DOCK4: variants seen among roughly 807,000 people sequenced by gnomAD.
The protein encoded by DOCK4 is dedicator of cytokinesis protein 4.
In DOCK4, 97 loss-of-function variants were observed where a neutral mutation model predicts 268.1. That is an observed-to-expected ratio of 0.36 (90% confidence interval 0.31 to 0.43). The LOEUF is 0.43. Among genes scored for constraint, DOCK4 ranks in the 20% least tolerant of loss-of-function variants. The probability of loss-of-function intolerance (pLI) is 1.00; values close to 1 mark genes in which losing one functional copy is unlikely to be tolerated. For synonymous variants in DOCK4, 954 were observed against 887.2 expected (o/e 1.08, Z -1.34); for missense variants, 2,145 against 2,455.7 (o/e 0.87, Z 2.67).
intron 1 of DOCK4, among the ~76,000 whole-genome samples, chr7:112,118,357 C>T (rs1410509888): frequency 6.6e-6 from 1 of 152,046 alleles, no homozygotes; most frequent in Non-Finnish European, 1.5e-5. Context: ...TTTAATTGAA[C>T]TGCTTCAAAT....
At chr7:112,146,048 T>C (rs1030515196) in intron 1 of DOCK4, among the ~76,000 whole-genome samples, 1 of 152,144 alleles carries the variant, frequency 6.6e-6, no homozygotes, top group East Asian at 1.9e-4. Context: ...GAAGTCCACA[T>C]AACGAAGCCA....
chr7:111,737,115 G>A (rs1184327219), intron 49 of DOCK4, 126 bp from the exon 50 acceptor site: 26 of 709,178 alleles, frequency 3.7e-5, no homozygotes, highest in Admixed American at 3.3e-4. Context: ...GATATGATGA[G>A]CCTAGGAACA....
chr7:111,751,570 G>C (rs942028432), intron 42 of DOCK4, among the ~76,000 whole-genome samples: 3 of 151,952 alleles, frequency 2.0e-5, no homozygotes, highest in Admixed American at 1.3e-4. Flanking sequence ...TCAGCCTCCT[G>C]AGAAGCTGGG....
At chr7:112,197,686 G>A (rs1587035469) in intron 1 of DOCK4, among the ~76,000 whole-genome samples, 2 of 152,136 alleles carry the variant, frequency 1.3e-5, no homozygotes, top group South Asian at 4.1e-4. Context: ...TTTGAAATTT[G>A]GGGTCTGTCA....
chr7:112,041,913 TGA>T (rs1234382960), intron 1 of DOCK4, among the ~76,000 whole-genome samples: 3 of 152,136 alleles, frequency 2.0e-5, no homozygotes, highest in African/African-American at 4.8e-5. Context: ...CCCACTGGAA[TGA>T]GAGTGTCAGC....
intron 1 of DOCK4, among the ~76,000 whole-genome samples, chr7:112,154,250 G>C (rs1008806876): frequency 6.6e-6 from 1 of 152,052 alleles, no homozygotes; most frequent in Non-Finnish European, 1.5e-5. Flanking sequence ...GGGACTATAG[G>C]CATAAGCACC....
At chr7:111,802,735 T>C (rs1800395370) in intron 30 of DOCK4, among the ~76,000 whole-genome samples, 1 of 152,212 alleles carries the variant, frequency 6.6e-6, no homozygotes, top group Non-Finnish European at 1.5e-5. Context: ...TTTCTTCAAA[T>C]TTCTTTTTAA....
chr7:111,834,581 C>T lies in DOCK4; in HGVS notation c.2835+7G>A, dbSNP rs1324509962. 2.0e-6 allele frequency: 3 copies of T among 1,524,944 alleles called. No homozygotes were observed. Among genetic ancestry groups the T allele is most frequent in the Non-Finnish European group, 2.6e-6 (3 of 1,132,982 alleles). The allele number at this position is 1,524,944 out of a possible 1,614,324, so 94.5% of individuals were successfully genotyped here. A position where few individuals can be genotyped will look rare whatever the true frequency, so the allele number is the denominator to read the frequency against. ...TGTTAAAGAAAACATTTTAAAATGTCACTTACCCTTAGTTCTTCCTTTGTA... is the reference window on the plus strand; with the variant it reads ...TGTTAAAGAAAACATTTTAAAATGTTACTTACCCTTAGTTCTTCCTTTGTA... On this transcript the variant is annotated splice_region_variant and intron_variant, in intron 26 of 52. Transcript: ENST00000428084.
At chr7:111,996,728 A>G (rs188372809) in intron 4 of DOCK4, among the ~76,000 whole-genome samples, 85 of 152,296 alleles carry the variant, frequency 5.6e-4, no homozygotes, top group African/African-American at 1.9e-3. Context: ...CCAAATTTTT[A>G]GGTACTTTAC....
At chr7:112,181,877 C>T (rs371607699) in intron 1 of DOCK4, among the ~76,000 whole-genome samples, 14 of 152,176 alleles carry the variant, frequency 9.2e-5, no homozygotes, top group African/African-American at 2.2e-4. Context: ...CTATTAAATC[C>T]GCAGGACAGC....
At chr7:111,739,559 C>CT (rs1563433465) in intron 47 of DOCK4, 82 bp from the exon 48 acceptor site, 7 of 1,270,942 alleles carry the variant, frequency 5.5e-6, no homozygotes, top group African/African-American at 3.0e-5. Flanking sequence ...AAATCATCAA[C>CT]TTTTTTTCAA....
Position 111,782,886 on chromosome 7 carries a change from A to G in DOCK4, c.3563T>C (p.Ile1188Thr). The stretch of plus-strand genomic sequence containing the variant: ...AACCAGAAGGCTAACTGTGCAGCCA[A>G]TCTTTTTGCCATCTACCTCTCCCAT... ...MKMGEVDGKKIGCTVSLLNFY... is the reference protein window; with the variant it reads ...MKMGEVDGKKTGCTVSLLNFY... The change falls in exon 35 of 53, where the codon ATT becomes ACT. Residue 1188 changes from isoleucine (I) to threonine (T), a missense_variant. Physicochemically the swap from Ile to Thr is moderately conservative, Grantham distance 89. This residue lies in a region of DOCK4 where 1,598 missense variants were observed against 1,986.7 expected (regional missense o/e 0.80). Transcript: ENST00000428084. 1 of 1,613,736 alleles carries G rather than the reference A, an allele frequency of 6.2e-7. No individual in the cohort carries two copies. The highest frequency in any genetic ancestry group is 8.5e-7 in the Non-Finnish European group (1 of 1,179,774).
At chr7:111,751,683 G>T (rs1388514584) in intron 42 of DOCK4, among the ~76,000 whole-genome samples, 1 of 152,122 alleles carries the variant, frequency 6.6e-6, no homozygotes, top group Admixed American at 6.5e-5. Flanking sequence ...GACCTCAAGT[G>T]ATCTGCCTGC....
At position 111,900,639 on chromosome 7, in the gene DOCK4, A is replaced by C; in HGVS notation, c.1318-103T>G. The C allele has an allele frequency of 2.5e-6, 3 of 1,223,222 alleles. No individual in the cohort carries two copies. In the East Asian group the frequency reaches 7.6e-5, roughly 31 times the overall value. The allele number at this position is 1,223,222 out of a possible 1,614,324, so 75.8% of individuals were successfully genotyped here. ...TCTATCTGCCTGCCTCTCAAATAGC[A>C]CTATGAAATTACCTCGCTGGGCCTT... On this transcript the variant is annotated intron_variant, in intron 14 of 52. Coordinates refer to ENST00000428084, the MANE Select transcript of DOCK4 (RefSeq NM_001363540.2).
chr7:111,825,124 G>A (rs1336705489), intron 26 of DOCK4, among the ~76,000 whole-genome samples: 2 of 152,050 alleles, frequency 1.3e-5, no homozygotes, highest in Non-Finnish European at 2.9e-5. Context: ...GAGGTCTCTT[G>A]TAGTTAGAGG....
intron 13 of DOCK4, among the ~76,000 whole-genome samples, chr7:111,904,526 C>G (rs1168176270): frequency 6.6e-6 from 1 of 152,060 alleles, no homozygotes; most frequent in African/African-American, 2.4e-5. Flanking sequence ...CAGTGTTCGA[C>G]AAAGGAGTAA....
chr7:111,940,773 A>G (rs188641053), intron 10 of DOCK4, among the ~76,000 whole-genome samples: 2 of 152,338 alleles, frequency 1.3e-5, no homozygotes, highest in African/African-American at 4.8e-5. Flanking sequence ...TAACTGTTGT[A>G]AAGTTTTAAC....
chr7:111,834,210 T>C (rs1027857739), intron 26 of DOCK4, among the ~76,000 whole-genome samples: 7 of 152,244 alleles, frequency 4.6e-5, no homozygotes, highest in Admixed American at 4.6e-4. Context: ...ATGGTTTTAG[T>C]GAGATGAAAT....
At chr7:111,880,417 TC>T (rs1348848561) in intron 16 of DOCK4, among the ~76,000 whole-genome samples, 1 of 152,132 alleles carries the variant, frequency 6.6e-6, no homozygotes, top group Non-Finnish European at 1.5e-5. Flanking sequence ...CTGAGGGATT[TC>T]ATCAACACCA....
Sources: allele counts gnomAD v4.1 joint callset (sites outside exome capture counted in the v4.1 genomes callset), GRCh38; gene constraint gnomAD v4.1.1; regional missense constraint gnomAD v4.1.1; transcripts MANE v1.5; gene names NCBI Gene and HGNC (gene_info 2026-07-23, HGNC 2026-07-21).